The following MYRIP variants were observed in gnomAD, a reference collection of about 807,000 sequenced individuals.
The protein encoded by MYRIP is myosin VIIA and Rab interacting protein, also known as rab effector MyRIP.
A neutral mutation model predicts 98.0 loss-of-function variants in MYRIP; 49 were observed. The observed-to-expected ratio is 0.50, with a 90% confidence interval of 0.40 to 0.63. The LOEUF (loss-of-function observed/expected upper bound fraction) is 0.63, where lower values mean the gene tolerates loss of function less well. Among genes scored for constraint, MYRIP ranks in the 30% least tolerant of loss-of-function variants. The pLI is 0.00. For synonymous variants in MYRIP, 404 were observed against 409.5 expected, an observed-to-expected ratio of 0.99 and a Z score of 0.16; for missense variants, 1,004 against 1,058.2, an observed-to-expected ratio of 0.95 and a Z score of 0.71.
At chr3:40,169,035 CT>C (rs1199748220) in intron 7 of MYRIP, among the ~76,000 whole-genome samples, 1 of 152,204 alleles carries the variant, frequency 6.6e-6, no homozygotes, top group African/African-American at 2.4e-5. Context: ...ATTTTAGCTC[CT>C]TTTTAGCTGG....
intron 1 of MYRIP, among the ~76,000 whole-genome samples, chr3:39,863,559 T>C (rs1335217627): frequency 6.6e-6 from 1 of 152,034 alleles, no homozygotes; most frequent in Non-Finnish European, 1.5e-5. Context: ...ATTTAGAAAA[T>C]CTAGAAGAAA....
intron 1 of MYRIP, among the ~76,000 whole-genome samples, chr3:39,840,790 C>G (rs1941776337): frequency 1.3e-5 from 2 of 152,138 alleles, no homozygotes; most frequent in African/African-American, 4.8e-5. Context: ...AATATTGGCC[C>G]CACTCTCTTG....
At chr3:39,811,295 C>T (rs1465577675) in intron 1 of MYRIP, among the ~76,000 whole-genome samples, 1 of 152,028 alleles carries the variant, frequency 6.6e-6, no homozygotes, top group African/African-American at 2.4e-5. Context: ...TGAAATAATC[C>T]CCGCCGCCTT....
At chr3:40,015,819 T>TA (rs1330945249) in intron 2 of MYRIP, among the ~76,000 whole-genome samples, 1 of 152,232 alleles carries the variant, frequency 6.6e-6, no homozygotes, top group Non-Finnish European at 1.5e-5. Flanking sequence ...ACAACACCTA[T>TA]AACCTAACAT....
At chr3:40,045,512 G>A (rs1235547896) in intron 3 of MYRIP, among the ~76,000 whole-genome samples, 1 of 152,176 alleles carries the variant, frequency 6.6e-6, no homozygotes. Context: ...GCATCTGGGA[G>A]TGATCAACAG....
Position 40,190,256 on chromosome 3 carries a change from G to T in MYRIP, c.1458G>T (p.Glu486Asp), listed in dbSNP as rs754060180. ...QRKAPRNPAAEKMRLHGELDV... is the reference protein window; with the variant it reads ...QRKAPRNPAADKMRLHGELDV... ...AGGCCCCCAGGAACCCTGCAGCTGA[G>T]AAGATGCGCTTGCATGGAGAGCTGG... The change falls in exon 10 of 17, where the codon GAG becomes GAT. Residue 486 changes from glutamate (E) to aspartate (D), a missense_variant. By Grantham distance (45) the Glu-to-Asp change is conservative. This residue lies in a region of MYRIP where 880 missense variants were observed against 907.7 expected (regional missense o/e 0.97). Coordinates refer to ENST00000302541, the MANE Select transcript of MYRIP (RefSeq NM_015460.4). The T allele has an allele frequency of 2.9e-5, 46 of 1,613,988 alleles. No homozygotes were observed. Among genetic ancestry groups the T allele is most frequent in the Non-Finnish European group, 3.6e-5 (43 of 1,180,032 alleles).
chr3:39,812,026 G>C (rs1160761627), intron 1 of MYRIP, among the ~76,000 whole-genome samples: 2 of 152,138 alleles, frequency 1.3e-5, no homozygotes, highest in African/African-American at 4.8e-5. Context: ...CCAAGTTAAA[G>C]GGAGATGACT....
chr3:39,954,870 G>A (rs1945115909), intron 2 of MYRIP, among the ~76,000 whole-genome samples: 1 of 152,082 alleles, frequency 6.6e-6, no homozygotes, highest in African/African-American at 2.4e-5. Context: ...AGAACTACGT[G>A]ACAAATGCAC....
intron 2 of MYRIP, among the ~76,000 whole-genome samples, chr3:40,005,288 A>G (rs539307614): frequency 6.6e-6 from 1 of 152,340 alleles, no homozygotes; most frequent in Admixed American, 6.5e-5. Flanking sequence ...CTGTCTTACT[A>G]ACTCACTCCT....
chr3:39,969,512 T>C (rs150540318), intron 2 of MYRIP, among the ~76,000 whole-genome samples: 57 of 152,296 alleles, frequency 3.7e-4, no homozygotes, highest in African/African-American at 1.3e-3. Context: ...AAGTAGTTTA[T>C]TGAGAGTTTT....
chr3:40,079,988 A>G (rs368084814), intron 3 of MYRIP, among the ~76,000 whole-genome samples: 12 of 152,200 alleles, frequency 7.9e-5, no homozygotes, highest in Middle Eastern at 3.4e-3. Context: ...CTCTTGTTTT[A>G]TTGCCCTGGC....
At chr3:40,069,657 T>C (rs1948186269) in intron 3 of MYRIP, among the ~76,000 whole-genome samples, 1 of 152,206 alleles carries the variant, frequency 6.6e-6, no homozygotes. Flanking sequence ...CTACTTTAGG[T>C]ACCTCATATA....
intron 12 of MYRIP, among the ~76,000 whole-genome samples, chr3:40,243,543 A>T (rs540189271): frequency 6.6e-4 from 100 of 152,298 alleles, no homozygotes; most frequent in African/African-American, 2.3e-3. Context: ...AATTGCTGTG[A>T]TTACAGGTTT....
At chr3:40,016,160 A>G (rs999476644) in intron 2 of MYRIP, among the ~76,000 whole-genome samples, 3 of 150,274 alleles carry the variant, frequency 2.0e-5, no homozygotes, top group Admixed American at 6.6e-5. Context: ...AATTGTGTCC[A>G]CTCCCATCTC....
In MYRIP at chr3:40,126,177, C is replaced by T. The variant is rs530882143; in HGVS notation, c.333-24871C>T. Among the ~76,000 whole-genome samples the T allele has an allele frequency of 2.0e-5, 3 of 152,310 alleles. No individual in the cohort carries two copies. The East Asian group carries it at 5.8e-4, about 29-fold the overall frequency. The stretch of plus-strand genomic sequence containing the variant: ...TTTCTTAAAGTGCAATCCTTGGACT[C>T]GCAGCATCACATCACCTGAGAAGTT... On this transcript the variant is annotated intron_variant, in intron 3 of 16. Transcript: ENST00000302541.
intron 2 of MYRIP, among the ~76,000 whole-genome samples, chr3:39,988,660 G>A: frequency 6.6e-6 from 1 of 150,988 alleles, no homozygotes; most frequent in Non-Finnish European, 1.5e-5. Context: ...TCAATTGTAG[G>A]TTTGGTCTTT....
chr3:39,964,766 A>T (rs1480304396), intron 2 of MYRIP, among the ~76,000 whole-genome samples: 2 of 152,188 alleles, frequency 1.3e-5, no homozygotes, highest in Admixed American at 1.3e-4. Flanking sequence ...AGCATACTGC[A>T]GTAGAATTTC....
At chr3:40,049,734 G>C (rs1350024755) in intron 3 of MYRIP, among the ~76,000 whole-genome samples, 1 of 152,110 alleles carries the variant, frequency 6.6e-6, no homozygotes, top group African/African-American at 2.4e-5. Context: ...CAAAAGCTAA[G>C]TTTCTTGAGC....
At chr3:40,016,380 C>G (rs1244006923) in intron 2 of MYRIP, among the ~76,000 whole-genome samples, 2 of 152,166 alleles carry the variant, frequency 1.3e-5, no homozygotes, top group Admixed American at 6.5e-5. Flanking sequence ...CCCTTTCAAC[C>G]AGTCGTCCTC....
Sources: gnomAD v4.1 joint callset for allele counts (sites outside exome capture counted in the v4.1 genomes callset) on GRCh38, gnomAD v4.1.1 for gene constraint, gnomAD v4.1.1 regional missense constraint, MANE v1.5 for transcripts, NCBI Gene and HGNC (gene_info 2026-07-23, HGNC 2026-07-21) for gene names.